Variants in PIGL observed in about 807,000 individuals in gnomAD.
PIGL encodes the protein phosphatidylinositol glycan anchor biosynthesis class L, also known as N-acetylglucosaminyl-phosphatidylinositol de-N-acetylase.
Under a neutral mutation model 31.1 loss-of-function variants are expected in PIGL, and 22 were observed. The observed-to-expected ratio is 0.71, with a 90% CI of 0.51 to 1.01. PIGL has a LOEUF of 1.01. PIGL is among the 50% of genes least tolerant of loss of function. The pLI, the probability that PIGL is intolerant of heterozygous loss-of-function variation, is 0.00. For missense variants in PIGL, 302 were observed against 315.9 expected (o/e 0.96, Z 0.33); for synonymous variants, 131 against 117.4 (o/e 1.12, Z -0.75).
At chr17:16,230,954 A>G (rs1173128868) in intron 1 of PIGL, among the ~76,000 whole-genome samples, 1 of 151,844 alleles carries the variant, frequency 6.6e-6, no homozygotes, top group East Asian at 1.9e-4. Context: ...TGTTGGGACC[A>G]TGATGCCTTC....
At chr17:16,318,714 C>T (rs183713717) in intron 6 of PIGL, among the ~76,000 whole-genome samples, 7 of 151,654 alleles carry the variant, frequency 4.6e-5, no homozygotes, top group East Asian at 3.9e-4. Context: ...GGGCAGATCA[C>T]GAGGTCAGGG....
intron 2 of PIGL, among the ~76,000 whole-genome samples, chr17:16,288,360 C>A (rs1171987022): frequency 1.3e-5 from 2 of 152,036 alleles, no homozygotes; most frequent in Non-Finnish European, 2.9e-5. Flanking sequence ...GTGCCTGCCA[C>A]CACGCCCAGC....
chr17:16,281,398 G>C (rs753212702), intron 2 of PIGL, among the ~76,000 whole-genome samples: 55 of 152,338 alleles, frequency 3.6e-4, no homozygotes, highest in Non-Finnish European at 6.8e-4. Context: ...ATGTTTCAGA[G>C]ACTGGATGCA....
intron 1 of PIGL, 169 bp downstream of exon 1, chr17:16,217,630 C>CACGAATCGA: frequency 7.4e-6 from 4 of 540,668 alleles, no homozygotes; most frequent in East Asian, 3.0e-5. Flanking sequence ...GGCCGGCTTA[C>CACGAATCGA]CTGGTGGGTT....
intron 3 of PIGL, among the ~76,000 whole-genome samples, chr17:16,309,488 C>T (rs993991787): frequency 6.6e-6 from 1 of 152,198 alleles, no homozygotes; most frequent in African/African-American, 2.4e-5. Flanking sequence ...TTAGGCCGGG[C>T]ACGGTGGCTC....
intron 2 of PIGL, among the ~76,000 whole-genome samples, chr17:16,258,701 A>C (rs1271061533): frequency 6.6e-6 from 1 of 151,818 alleles, no homozygotes; most frequent in East Asian, 1.9e-4. Flanking sequence ...GGATTTCTCC[A>C]TGTTGGTCAG....
intron 2 of PIGL, among the ~76,000 whole-genome samples, chr17:16,278,055 A>C (rs1489146321): frequency 6.7e-6 from 1 of 149,604 alleles, no homozygotes; most frequent in East Asian, 1.9e-4. Flanking sequence ...GTCAAACTCA[A>C]TTCTTTTTTT....
intron 3 of PIGL, among the ~76,000 whole-genome samples, chr17:16,301,858 C>T (rs1212254950): frequency 6.6e-6 from 1 of 151,832 alleles, no homozygotes; most frequent in African/African-American, 2.4e-5. Context: ...CGTGAGCCAC[C>T]ACGCCCAGCC....
intron 6 of PIGL, among the ~76,000 whole-genome samples, chr17:16,319,681 G>T (rs552480395): frequency 6.6e-6 from 1 of 151,982 alleles, no homozygotes; most frequent in African/African-American, 2.4e-5. Flanking sequence ...CTTGAACCCG[G>T]GAGGCGGAGG....
At chr17:16,246,951 A>G (rs974438788) in intron 2 of PIGL, among the ~76,000 whole-genome samples, 1 of 150,548 alleles carries the variant, frequency 6.6e-6, no homozygotes, top group Non-Finnish European at 1.5e-5. Context: ...GGCCTCCCAA[A>G]GTGCTGGGAT....
At chr17:16,269,179 G>A (rs2092858857) in intron 2 of PIGL, among the ~76,000 whole-genome samples, 1 of 152,232 alleles carries the variant, frequency 6.6e-6, no homozygotes, top group African/African-American at 2.4e-5. Context: ...TGAGTCGGGG[G>A]AGATTAAGTA....
At chr17:16,316,797 A>T in intron 5 of PIGL, 85 bp downstream of exon 5, 1 of 1,583,798 alleles carries the variant, frequency 6.3e-7, no homozygotes, top group Non-Finnish European at 8.6e-7. Context: ...ATCCACAGAG[A>T]GCTGCCCTCA....
intron 2 of PIGL, among the ~76,000 whole-genome samples, chr17:16,297,009 C>T (rs985306468): frequency 5.9e-5 from 9 of 152,136 alleles, no homozygotes; most frequent in South Asian, 2.1e-4. Flanking sequence ...CGTGAGCCAC[C>T]GTTCCGGCCC....
chr17:16,294,257 A>C (rs1428975314), intron 2 of PIGL, among the ~76,000 whole-genome samples: 1 of 152,226 alleles, frequency 6.6e-6, no homozygotes, highest in Non-Finnish European at 1.5e-5. Flanking sequence ...CAGGGGAGCT[A>C]GAACTCGGGT....
At chr17:16,226,065 G>A (rs2092650851) in intron 1 of PIGL, among the ~76,000 whole-genome samples, 1 of 151,988 alleles carries the variant, frequency 6.6e-6, no homozygotes, top group Admixed American at 6.6e-5. Flanking sequence ...CAGCTACTTG[G>A]GAGGCTGAGG....
intron 3 of PIGL, among the ~76,000 whole-genome samples, chr17:16,306,055 TCTC>T (rs924359161): frequency 4.6e-5 from 7 of 151,610 alleles, no homozygotes; most frequent in African/African-American, 1.7e-4. Flanking sequence ...TTCAAGCAAA[TCTC>T]CTGCCTCAGC....
chr17:16,274,137 T>G (rs1052984257), intron 2 of PIGL, among the ~76,000 whole-genome samples: 7 of 152,168 alleles, frequency 4.6e-5, no homozygotes, highest in African/African-American at 1.7e-4. Flanking sequence ...ATAGGGAACC[T>G]TAGTACTGGT....
At chr17:16,305,822 C>T (rs1048433041) in intron 3 of PIGL, among the ~76,000 whole-genome samples, 10 of 152,172 alleles carry the variant, frequency 6.6e-5, no homozygotes, top group Non-Finnish European at 1.0e-4. Flanking sequence ...TTGTTCTTGT[C>T]GCCTAGGCTG....
intron 2 of PIGL, among the ~76,000 whole-genome samples, chr17:16,269,416 G>A (rs1276158523): frequency 2.0e-5 from 3 of 152,164 alleles, no homozygotes; most frequent in African/African-American, 7.2e-5. Flanking sequence ...GGGAGGCTGA[G>A]GCAGGTGGAT....
Sources: gnomAD v4.1 joint callset for allele counts (sites outside exome capture counted in the v4.1 genomes callset) on GRCh38, gnomAD v4.1.1 for gene constraint, MANE v1.5 for transcripts, NCBI Gene and HGNC (gene_info 2026-07-23, HGNC 2026-07-21) for gene names.